The following WDR4 variants were observed in gnomAD, a reference collection of about 807,000 sequenced individuals.
WDR4 encodes WDR4 tRNA N7-guanosine methyltransferase non-catalytic subunit, also known as tRNA (guanine-N(7)-)-methyltransferase non-catalytic subunit WDR4.
Under a neutral mutation model 48.6 loss-of-function variants are expected in WDR4, and 47 were observed. The ratio of observed to expected loss-of-function variants is 0.97; its 90% CI spans 0.77 to 1.23. WDR4 has a LOEUF of 1.23. WDR4 is among the 50% of genes most tolerant of loss of function. WDR4 has a pLI of 0.00. For missense variants in WDR4, 606 were observed against 551.6 expected (o/e 1.10, Z -0.99); for synonymous variants, 268 against 230.0 (o/e 1.17, Z -1.49).
chr21:42,866,210 A>G (rs903569123), intron 3 of WDR4, among the ~76,000 whole-genome samples: 7 of 152,150 alleles, frequency 4.6e-5, no homozygotes, highest in Admixed American at 2.0e-4. Context: ...CCCTCGGGCC[A>G]AGAGTCTCCT....
At chr21:42,873,016 A>G (rs959358832) in intron 3 of WDR4, among the ~76,000 whole-genome samples, 4 of 152,176 alleles carry the variant, frequency 2.6e-5, no homozygotes, top group Non-Finnish European at 5.9e-5. Context: ...AGGCATAGCG[A>G]TATCTCCCGT....
intron 1 of WDR4, 56 bp downstream of exon 1, chr21:42,879,351 G>A: frequency 6.3e-7 from 1 of 1,593,302 alleles, no homozygotes; most frequent in Non-Finnish European, 8.6e-7. Flanking sequence ...GGGTCGCCAG[G>A]ACCCGACGCG....
At chr21:42,853,525 T>C in intron 9 of WDR4, 44 bp downstream of exon 9, 1 of 1,574,424 alleles carries the variant, frequency 6.4e-7, no homozygotes, top group Non-Finnish European at 8.6e-7. Flanking sequence ...CCCAGGCTTA[T>C]GGAAAGGCAG....
rs373662804 is a variant in WDR4, at chr21:42,869,775, C to T, written c.296+3776G>A. 5.3e-5 allele frequency among the ~76,000 whole-genome samples: 8 copies of T among 152,232 alleles called. No individual in the cohort carries two copies. The East Asian group carries it at 1.3e-3, about 26-fold the overall frequency. On this transcript the variant is annotated intron_variant, in intron 3 of 10. Transcript: ENST00000398208. ...CTGTAATCCCGGCACCCTGGGAAGC[C>T]GATGTGGGTGGATCACCTGAGGTCA... is the stretch of plus-strand genomic sequence containing the variant.
At chr21:42,876,216 C>CTTTTT (rs1491253275) in intron 2 of WDR4, among the ~76,000 whole-genome samples, 3 of 60,926 alleles carry the variant, frequency 4.9e-5, no homozygotes, top group African/African-American at 2.1e-4. Flanking sequence ...TAACACTGTA[C>CTTTTT]TCTTTTTTTT....
downstream of WDR4, among the ~76,000 whole-genome samples, chr21:42,844,588 C>T (rs538123707): frequency 3.0e-4 from 46 of 152,322 alleles, no homozygotes; most frequent in African/African-American, 9.4e-4. Context: ...AACCCCACGT[C>T]GGCTGAGACG....
At position 42,863,979 on chromosome 21, in the gene WDR4, C is replaced by T. The variant is rs7281090; in HGVS notation, c.297-383G>A. Among the ~76,000 whole-genome samples, 232 of 80,982 alleles carry T rather than the reference C, an allele frequency of 2.9e-3. 47 individuals are homozygous for T. Among genetic ancestry groups the T allele is most frequent in the African/African-American group, 0.015 (150 of 10,286 alleles). 53.1% of individuals were successfully genotyped at this position (80,982 alleles called of 152,430 possible). On this transcript the variant is annotated intron_variant, in intron 3 of 10. Coordinates refer to ENST00000398208, the MANE Select transcript of WDR4 (RefSeq NM_018669.6). ...AAAATTAGCCAGGCGTGGTGGCGGG[C>T]GCCTGTAGTCCCAGCTACTCGGGAG...
chr21:42,848,020 CAG>C (rs1395463238), downstream of WDR4, among the ~76,000 whole-genome samples: 1 of 152,258 alleles, frequency 6.6e-6, no homozygotes, highest in East Asian at 1.9e-4. Flanking sequence ...TGATCCCCAG[CAG>C]AGAGGAGTGG....
At chr21:42,891,484 C>T in the WDR4 span, among the ~76,000 whole-genome samples, 5 of 152,022 alleles carry the variant, frequency 3.3e-5, no homozygotes. Context: ...GCCGCATGTG[C>T]CCGCTGGTGG....
rs369327605 is a variant in WDR4, at chr21:42,868,807, G to A, written c.296+4744C>T. Among the ~76,000 whole-genome samples, 57 of 152,360 alleles carry A rather than the reference G, an allele frequency of 3.7e-4. 1 individual carries two copies. Among genetic ancestry groups the A allele is most frequent in the South Asian group, 2.1e-3 (10 of 4,830 alleles). ...TGGACACCAAGGCTTGGGAAGCTTC[G>A]CCGTGTCTGTTGTCACACATTGGTG... On this transcript the variant is annotated intron_variant, in intron 3 of 10. Transcript: ENST00000398208.
At chr21:42,868,941 T>C (rs1020629394) in intron 3 of WDR4, among the ~76,000 whole-genome samples, 17 of 152,202 alleles carry the variant, frequency 1.1e-4, no homozygotes, top group Admixed American at 3.9e-4. Context: ...ATTTGAGCAG[T>C]GGAACAGTGC....
chr21:42,857,147 C>T (rs1396126696), intron 6 of WDR4, among the ~76,000 whole-genome samples: 2 of 152,248 alleles, frequency 1.3e-5, no homozygotes, highest in East Asian at 3.9e-4. Flanking sequence ...GATGCATCCT[C>T]AGCCCCAAAC....
chr21:42,884,705 C>T, the WDR4 span, among the ~76,000 whole-genome samples: 1 of 152,170 alleles, frequency 6.6e-6, no homozygotes, highest in African/African-American at 2.4e-5. Context: ...GGCTACAGCA[C>T]TTTATAGTCC....
At chr21:42,843,433 G>A (rs1323192440) in intron 11 of WDR4, among the ~76,000 whole-genome samples, 1 of 42,454 alleles carries the variant, frequency 2.4e-5, no homozygotes, top group South Asian at 7.0e-4. Context: ...TTTTTTTTTT[G>A]AGACCGTCAC....
chr21:42,885,875 T>C, the WDR4 span, among the ~76,000 whole-genome samples: 4 of 152,102 alleles, frequency 2.6e-5, no homozygotes, highest in Admixed American at 2.6e-4. Context: ...TTTAAGTTTT[T>C]TGTAGAGACG....
In WDR4 at chr21:42,860,024, GCCCCTCTGCAGC is replaced by G. The variant is rs955954430; in HGVS notation, c.567-314_567-303del. Among the ~76,000 whole-genome samples the G allele has an allele frequency of 2.6e-5, 4 of 152,070 alleles. No homozygotes were observed. In the East Asian group the frequency reaches 5.8e-4, roughly 22 times the overall value. On this transcript the variant is annotated intron_variant, in intron 5 of 10. Transcript: ENST00000398208. Reference sequence around the variant, plus strand: ...CTGCCAGAGACCCAAGCGCCTCTGTGCCCCTCTGCAGCCCCCTCTGCAGCAGCTCTGCTCAGC... The same window carrying G: ...CTGCCAGAGACCCAAGCGCCTCTGTGCCCCTCTGCAGCAGCTCTGCTCAGC...
At position 42,850,096 on chromosome 21, in the gene WDR4, C is replaced by T. The variant is rs200381889; in HGVS notation, c.1192G>A (p.Gly398Arg). 2.2e-5 allele frequency: 35 copies of T among 1,614,112 alleles called. No homozygotes were observed. In the East Asian group the frequency reaches 3.8e-4, roughly 17 times the overall value. ...RRRSPPPGPD[G>R]HAKKMRPGEA... Reference sequence around the variant, plus strand: ...CCCGGTCTCATCTTCTTGGCATGCCCGTCGGGCCCAGGCGGGGGACTCCGG... The same window carrying T: ...CCCGGTCTCATCTTCTTGGCATGCCTGTCGGGCCCAGGCGGGGGACTCCGG... The change falls in exon 11 of 11, where the codon GGG (glycine) becomes AGG (arginine). Residue 398 changes from glycine to arginine, a missense_variant. Gly to Arg is a moderately radical substitution (Grantham distance 125). Coordinates refer to ENST00000398208, the MANE Select transcript of WDR4 (RefSeq NM_018669.6).
At chr21:42,865,648 G>T (rs546845841) in intron 3 of WDR4, among the ~76,000 whole-genome samples, 20 of 152,200 alleles carry the variant, frequency 1.3e-4, no homozygotes, top group African/African-American at 4.6e-4. Context: ...TCCAAGGGAG[G>T]TCACAGAATG....
chr21:42,859,569 C>A, intron 6 of WDR4, 93 bp downstream of exon 6: 1 of 1,372,202 alleles, frequency 7.3e-7, no homozygotes, highest in Non-Finnish European at 1.0e-6. Context: ...CAGGGGCCAG[C>A]GATCCACAGG....
Sources: allele counts gnomAD v4.1 joint callset (sites outside exome capture counted in the v4.1 genomes callset), GRCh38; gene constraint gnomAD v4.1.1; transcripts MANE v1.5; gene names NCBI Gene and HGNC (gene_info 2026-07-23, HGNC 2026-07-21).